MOB3B: variants seen among roughly 807,000 people sequenced by gnomAD.
MOB3B encodes the protein MOB kinase activator-like 2B.
Under a neutral mutation model 18.7 loss-of-function variants are expected in MOB3B, and 7 were observed. That is an observed-to-expected ratio of 0.37 (90% CI 0.21 to 0.70). MOB3B has a LOEUF of 0.70. MOB3B is among the 30% of genes least tolerant of loss of function. MOB3B has a pLI of 0.52. For synonymous variants in MOB3B, 111 were observed against 99.9 expected, an observed-to-expected ratio of 1.11 and a Z score of -0.66; for missense variants, 253 against 281.3, an observed-to-expected ratio of 0.90 and a Z score of 0.72.
intron 1 of MOB3B, among the ~76,000 whole-genome samples, chr9:27,502,142 C>T (rs1838429): frequency 0.89 from 134,692 of 152,162 alleles, 60,670 homozygotes; most frequent in East Asian, 1. Context: ...AAGCATAGTG[C>T]TGCATGCTCT....
chr9:27,459,861 T>A (rs1449729243), intron 1 of MOB3B, among the ~76,000 whole-genome samples: 1 of 134,914 alleles, frequency 7.4e-6, no homozygotes, highest in African/African-American at 2.7e-5. Flanking sequence ...TTATTTTCTG[T>A]CCTGTTTCAG....
At chr9:27,394,821 T>C (rs931157184) in intron 2 of MOB3B, among the ~76,000 whole-genome samples, 8 of 152,076 alleles carry the variant, frequency 5.3e-5, no homozygotes, top group African/African-American at 1.7e-4. Context: ...TAGTAAAACA[T>C]AGAAAAGGAG....
At chr9:27,506,713 G>A (rs1277430884) in intron 1 of MOB3B, among the ~76,000 whole-genome samples, 1 of 151,292 alleles carries the variant, frequency 6.6e-6, no homozygotes, top group Non-Finnish European at 1.5e-5. Flanking sequence ...TGTAATTTTA[G>A]TAGAGACGGG....
intron 1 of MOB3B, among the ~76,000 whole-genome samples, chr9:27,522,254 AAAAAAAAAAAAAG>A (rs1190762358): frequency 1.4e-5 from 2 of 145,288 alleles, no homozygotes; most frequent in African/African-American, 5.0e-5. Flanking sequence ...AAAAAAAAAA[AAAAAAAAAAAAAG>A]AAAAGAAAGA....
In MOB3B at chr9:27,327,751, A is replaced by T. The variant is rs1387155410; in HGVS notation, c.*2836T>A. On this transcript the variant is annotated 3_prime_UTR_variant, in exon 4 of 4. Transcript: ENST00000262244. ...TTTGGGGACAACTGGAGAATTTTGA[A>T]TATGGATCATATATTAGATTTATGC... The T allele has an allele frequency of 6.6e-6, 1 of 152,224 alleles. No individual in the cohort carries two copies. The highest frequency in any genetic ancestry group is 1.9e-4 in the East Asian group (1 of 5,198). The allele number at this position is 152,224 out of a possible 1,614,324, so 9.4% of individuals were successfully genotyped here.
In MOB3B at chr9:27,368,953, G is replaced by A. The variant is rs534905134; in HGVS notation, c.419-9717C>T. Among the ~76,000 whole-genome samples, 4 of 152,284 alleles carry A rather than the reference G, an allele frequency of 2.6e-5. No homozygotes were observed. The South Asian group carries it at 6.2e-4, about 24-fold the overall frequency. ...TGTCCCCTGCTTTCACAGCATGGATGTGAAAGGAGCAGTAGATTAAGAAAG... is the reference window on the plus strand; with the variant it reads ...TGTCCCCTGCTTTCACAGCATGGATATGAAAGGAGCAGTAGATTAAGAAAG... On this transcript the variant is annotated intron_variant, in intron 2 of 3. Coordinates refer to ENST00000262244, the MANE Select transcript of MOB3B (RefSeq NM_024761.5).
chr9:27,524,613 C>T, intron 1 of MOB3B: 1 of 1,614,096 alleles, frequency 6.2e-7, no homozygotes, highest in Non-Finnish European at 8.5e-7. Context: ...AATGTCCCTA[C>T]AGGCCTTCAA....
chr9:27,515,131 T>G (rs1563887837), intron 1 of MOB3B, among the ~76,000 whole-genome samples: 1 of 152,230 alleles, frequency 6.6e-6, no homozygotes, highest in South Asian at 2.1e-4. Context: ...ACTATCGACA[T>G]TGGACATTAT....
rs1821571106 is a variant in MOB3B, at chr9:27,381,061, G to A, written c.419-21825C>T. Among the ~76,000 whole-genome samples, 4 of 152,138 alleles carry A rather than the reference G, an allele frequency of 2.6e-5. No individual in the cohort carries two copies. The South Asian group carries it at 8.3e-4, about 31-fold the overall frequency. The stretch of plus-strand genomic sequence containing the variant: ...TAACCTCTCTAGGTTTCAGGCTCCT[G>A]AGCTGACAAGACATGCAGCTGAGAT... On this transcript the variant is annotated intron_variant, in intron 2 of 3. Coordinates refer to ENST00000262244, the MANE Select transcript of MOB3B (RefSeq NM_024761.5).
intron 3 of MOB3B, among the ~76,000 whole-genome samples, chr9:27,346,069 G>T (rs556118997): frequency 6.6e-6 from 1 of 152,316 alleles, no homozygotes; most frequent in Non-Finnish European, 1.5e-5. Flanking sequence ...ACTAAGTGAT[G>T]AGGATCCACC....
At chr9:27,465,252 AG>A (rs1427455946) in intron 1 of MOB3B, among the ~76,000 whole-genome samples, 1 of 152,132 alleles carries the variant, frequency 6.6e-6, no homozygotes, top group Non-Finnish European at 1.5e-5. Context: ...GCCAAAACAA[AG>A]GGGTTACAGG....
intron 2 of MOB3B, among the ~76,000 whole-genome samples, chr9:27,395,335 A>G (rs552851309): frequency 3.6e-4 from 55 of 152,326 alleles, no homozygotes; most frequent in African/African-American, 1.1e-3. Context: ...ATATGAGTTG[A>G]TTCGTGTTCA....
chr9:27,348,395 G>A (rs1195521550), intron 3 of MOB3B, among the ~76,000 whole-genome samples: 1 of 152,148 alleles, frequency 6.6e-6, no homozygotes, highest in Non-Finnish European at 1.5e-5. Flanking sequence ...GCTCACACCT[G>A]TAATCCCAGC....
At chr9:27,350,919 T>A (rs1821095551) in intron 3 of MOB3B, among the ~76,000 whole-genome samples, 2 of 148,092 alleles carry the variant, frequency 1.4e-5, no homozygotes, top group African/African-American at 2.5e-5. Context: ...TTTTTTTTTT[T>A]AAGACGAAGT....
At chr9:27,360,785 C>T (rs1386608104) in intron 2 of MOB3B, among the ~76,000 whole-genome samples, 1 of 152,196 alleles carries the variant, frequency 6.6e-6, no homozygotes, top group Non-Finnish European at 1.5e-5. Flanking sequence ...TGGGTCCCAA[C>T]ACTGATAATG....
At position 27,351,581 on chromosome 9, in the gene MOB3B, A is replaced by G. The variant is rs547502785; in HGVS notation, c.621+7453T>C. 3.9e-5 allele frequency among the ~76,000 whole-genome samples: 6 copies of G among 152,374 alleles called. No homozygotes were observed. The South Asian group carries it at 1.0e-3, about 26-fold the overall frequency. ...CCAAGGAAGCCGCCTGACAAGAAGC[A>G]ACCCAGAGGCCTCTGTACAGATGAT... On this transcript the variant is annotated intron_variant, in intron 3 of 3. Transcript: ENST00000262244.
At chr9:27,407,402 TC>T (rs1478804849) in intron 2 of MOB3B, among the ~76,000 whole-genome samples, 1 of 152,178 alleles carries the variant, frequency 6.6e-6, no homozygotes, top group African/African-American at 2.4e-5. Flanking sequence ...GTTTGAGTCT[TC>T]CATCAAAGGG....
intron 2 of MOB3B, among the ~76,000 whole-genome samples, chr9:27,373,747 G>A (rs1000641094): frequency 1.3e-5 from 2 of 152,230 alleles, no homozygotes. Flanking sequence ...GCATCCAATG[G>A]CACCAGCCAT....
At chr9:27,414,751 C>A (rs1386877666) in intron 2 of MOB3B, among the ~76,000 whole-genome samples, 2 of 152,186 alleles carry the variant, frequency 1.3e-5, no homozygotes, top group Non-Finnish European at 2.9e-5. Context: ...GCATGCAGGC[C>A]TTCCAAGCAG....
Sources: allele counts gnomAD v4.1 joint callset (sites outside exome capture counted in the v4.1 genomes callset), GRCh38; gene constraint gnomAD v4.1.1; transcripts MANE v1.5; gene names NCBI Gene and HGNC (gene_info 2026-07-23, HGNC 2026-07-21).